The following STK33 variants were observed in gnomAD, a reference collection of about 807,000 sequenced individuals.
STK33 encodes the protein serine/threonine kinase 33, also known as serine/threonine-protein kinase 33.
A neutral mutation model predicts 58.0 loss-of-function variants in STK33; 52 were observed. The ratio of observed to expected loss-of-function variants is 0.90; its 90% confidence interval spans 0.72 to 1.13. The LOEUF is 1.13. Among genes scored for constraint, STK33 ranks in the 50% most tolerant of loss-of-function variants. STK33 has a pLI of 0.00. For missense variants in STK33, 630 were observed against 604.2 expected, an observed-to-expected ratio of 1.04 and a Z score of -0.45; for synonymous variants, 215 against 200.1, an observed-to-expected ratio of 1.07 and a Z score of -0.63.
At chr11:8,572,286 T>C (rs1434496292) in intron 1 of STK33, among the ~76,000 whole-genome samples, 1 of 152,046 alleles carries the variant, frequency 6.6e-6, no homozygotes, top group Non-Finnish European at 1.5e-5. Context: ...AAATTATCCC[T>C]AGACTAAAGA....
chr11:8,383,871 T>C, the STK33 span, among the ~76,000 whole-genome samples: 1 of 152,204 alleles, frequency 6.6e-6, no homozygotes, highest in Non-Finnish European at 1.5e-5. Context: ...CCCAGAAGCC[T>C]CTGCACACAG....
chr11:8,352,195 C>T, the STK33 span, among the ~76,000 whole-genome samples: 1 of 152,128 alleles, frequency 6.6e-6, no homozygotes, highest in African/African-American at 2.4e-5. Context: ...AGCAGGTGCC[C>T]GGGAGGAGAG....
chr11:8,480,680 T>C (rs1949722590), intron 1 of STK33, 66 bp from the exon 2 acceptor site: 1 of 152,080 alleles, frequency 6.6e-6, no homozygotes, highest in Admixed American at 6.6e-5. Flanking sequence ...AATCCCGCCT[T>C]CCCCTTCATG....
chr11:8,553,101 T>C (rs923650883), intron 1 of STK33, among the ~76,000 whole-genome samples: 3 of 144,208 alleles, frequency 2.1e-5, no homozygotes, highest in Non-Finnish European at 3.0e-5. Context: ...GGCTGCAGAG[T>C]AAGCTATGCT....
At chr11:8,358,520 A>C in the STK33 span, among the ~76,000 whole-genome samples, 193 of 152,302 alleles carry the variant, frequency 1.3e-3, 1 homozygote, top group African/African-American at 4.6e-3. Context: ...GCCGGCCTGA[A>C]AGAGTAGTCT....
chr11:8,549,024 G>A (rs190697533), intron 1 of STK33, among the ~76,000 whole-genome samples: 1 of 152,220 alleles, frequency 6.6e-6, no homozygotes, highest in Non-Finnish European at 1.5e-5. Flanking sequence ...CTTTTTCACA[G>A]ATGACATGAT....
the STK33 span, among the ~76,000 whole-genome samples, chr11:8,354,081 C>T: frequency 2.0e-5 from 3 of 152,158 alleles, no homozygotes; most frequent in Admixed American, 1.3e-4. Flanking sequence ...TGCAGAGCCA[C>T]GGAGATAAAC....
chr11:8,353,772 A>T, the STK33 span, among the ~76,000 whole-genome samples: 3 of 152,136 alleles, frequency 2.0e-5, no homozygotes, highest in Admixed American at 2.0e-4. Context: ...TGTCATTTTC[A>T]AGGTTGTTTT....
intron 1 of STK33, among the ~76,000 whole-genome samples, chr11:8,560,333 C>A (rs895000470): frequency 2.0e-5 from 3 of 152,032 alleles, no homozygotes; most frequent in African/African-American, 7.2e-5. Flanking sequence ...TTAATTTCTA[C>A]CTCCTTAATT....
intron 15 of STK33, among the ~76,000 whole-genome samples, chr11:8,408,755 G>A (rs1310973186): frequency 6.6e-6 from 1 of 152,170 alleles, no homozygotes; most frequent in Non-Finnish European, 1.5e-5. Context: ...ACAGTGCAAG[G>A]ATGCAAAGCA....
At chr11:8,356,642 C>T in the STK33 span, among the ~76,000 whole-genome samples, 1 of 152,126 alleles carries the variant, frequency 6.6e-6, no homozygotes, top group African/African-American at 2.4e-5. Flanking sequence ...AGGGACATGC[C>T]TGGGAGGCTC....
intron 1 of STK33, among the ~76,000 whole-genome samples, chr11:8,489,568 C>T (rs1229145787): frequency 6.6e-6 from 1 of 152,130 alleles, no homozygotes; most frequent in African/African-American, 2.4e-5. Context: ...CCAGGCCAAA[C>T]TCATCATTTT....
At chr11:8,588,344 T>A (rs555497600) in intron 1 of STK33, among the ~76,000 whole-genome samples, 26 of 152,200 alleles carry the variant, frequency 1.7e-4, no homozygotes, top group Non-Finnish European at 3.2e-4. Context: ...GTCCTCTGTG[T>A]AGGATGGTGG....
the STK33 span, among the ~76,000 whole-genome samples, chr11:8,346,481 G>A: frequency 6.6e-6 from 1 of 152,196 alleles, no homozygotes; most frequent in African/African-American, 2.4e-5. Context: ...GAACAGTCAG[G>A]GTGTCCCGGG....
the STK33 span, among the ~76,000 whole-genome samples, chr11:8,347,774 GACCCCAGACCTATCTGA>G: frequency 6.6e-6 from 1 of 152,196 alleles, no homozygotes; most frequent in South Asian, 2.1e-4. Flanking sequence ...TATCTGACCT[GACCCCAGACCTATCTGA>G]ATCCACCCTC....
At chr11:8,461,955 C>T (rs1305650131) in intron 7 of STK33, 46 bp from the exon 8 acceptor site, 20 of 1,413,142 alleles carry the variant, frequency 1.4e-5, no homozygotes, top group Non-Finnish European at 1.7e-5. Flanking sequence ...AAAATCACTC[C>T]TACATTCCTT....
At chr11:8,521,969 AG>A (rs1953488988) in intron 1 of STK33, among the ~76,000 whole-genome samples, 1 of 152,200 alleles carries the variant, frequency 6.6e-6, no homozygotes, top group African/African-American at 2.4e-5. Context: ...TTAGAAAGTC[AG>A]GAAACAACAG....
the STK33 span, among the ~76,000 whole-genome samples, chr11:8,355,024 C>T: frequency 4.6e-5 from 7 of 152,220 alleles, no homozygotes; most frequent in East Asian, 1.2e-3. Context: ...CTCCAGCTTC[C>T]GGGAGGAGGG....
chr11:8,417,012 T>C (rs888400148), intron 14 of STK33, among the ~76,000 whole-genome samples: 1 of 152,154 alleles, frequency 6.6e-6, no homozygotes, highest in Admixed American at 6.6e-5. Flanking sequence ...CAATGTATCA[T>C]GAGCCTTCTA....
Sources: allele counts gnomAD v4.1 joint callset (sites outside exome capture counted in the v4.1 genomes callset), GRCh38; gene constraint gnomAD v4.1.1; transcripts MANE v1.5; gene names NCBI Gene and HGNC (gene_info 2026-07-23, HGNC 2026-07-21).